GPC5: variants seen among roughly 807,000 people sequenced by gnomAD.
GPC5 encodes glypican 5.
GPC5 carries 47 observed loss-of-function variants against 53.9 expected under a neutral mutation model. The observed-to-expected ratio is 0.87, with a 90% CI of 0.69 to 1.11. The LOEUF (loss-of-function observed/expected upper bound fraction) is 1.11, where lower values mean the gene tolerates loss of function less well. Ranked by LOEUF, GPC5 falls within the 50% of genes most tolerant of loss-of-function variation. The pLI is 0.00. For missense variants in GPC5, 748 were observed against 713.1 expected, an observed-to-expected ratio of 1.05 and a Z score of -0.56; for synonymous variants, 286 against 263.3, an observed-to-expected ratio of 1.09 and a Z score of -0.84.
chr13:91,873,056 AATT>A (rs1195320354), intron 5 of GPC5, among the ~76,000 whole-genome samples: 1 of 152,208 alleles, frequency 6.6e-6, no homozygotes, highest in Non-Finnish European at 1.5e-5. Context: ...TCTATCAGTA[AATT>A]ATTGATTCAT....
intron 7 of GPC5, among the ~76,000 whole-genome samples, chr13:92,274,910 C>T (rs558434755): frequency 2.8e-4 from 43 of 152,136 alleles, no homozygotes; most frequent in African/African-American, 1.0e-3. Flanking sequence ...TTGGAATAAG[C>T]CTGCCACTGT....
intron 7 of GPC5, among the ~76,000 whole-genome samples, chr13:92,341,441 TATC>T (rs1377261721): frequency 1.3e-5 from 2 of 152,072 alleles, no homozygotes; most frequent in African/African-American, 2.4e-5. Context: ...TAGAAGACAA[TATC>T]ATACAAATTA....
chr13:92,205,765 G>A (rs1446336705), intron 7 of GPC5, among the ~76,000 whole-genome samples: 1 of 152,058 alleles, frequency 6.6e-6, no homozygotes, highest in Non-Finnish European at 1.5e-5. Flanking sequence ...CAACTATTTC[G>A]GCCAGGCGCG....
At chr13:91,996,446 T>C (rs964514591) in intron 6 of GPC5, 2 of 152,284 alleles carry the variant, frequency 1.3e-5, no homozygotes, top group Non-Finnish European at 2.9e-5. Context: ...TATTACATTA[T>C]AGTCATCAGA....
At chr13:92,742,006 C>G (rs1365551637) in intron 7 of GPC5, among the ~76,000 whole-genome samples, 2 of 151,974 alleles carry the variant, frequency 1.3e-5, no homozygotes, top group African/African-American at 4.8e-5. Context: ...TGGGTTGGTT[C>G]CAAGTCTTTG....
At chr13:91,633,774 C>T (rs905542939) in intron 2 of GPC5, among the ~76,000 whole-genome samples, 8 of 152,070 alleles carry the variant, frequency 5.3e-5, no homozygotes, top group Non-Finnish European at 7.4e-5. Context: ...TACATGTAAC[C>T]ATGAGGAATG....
chr13:92,536,529 C>T (rs1433509536), intron 7 of GPC5, among the ~76,000 whole-genome samples: 5 of 152,018 alleles, frequency 3.3e-5, no homozygotes, highest in African/African-American at 1.2e-4. Context: ...AAATGTAAAC[C>T]ATTAGATTCC....
At chr13:91,831,786 T>C (rs567921848) in intron 5 of GPC5, among the ~76,000 whole-genome samples, 190 of 152,246 alleles carry the variant, frequency 1.2e-3, no homozygotes, top group African/African-American at 4.3e-3. Flanking sequence ...AGTTTCTTAA[T>C]CCTGAGTTCT....
intron 7 of GPC5, among the ~76,000 whole-genome samples, chr13:92,436,353 A>C (rs980025589): frequency 6.6e-6 from 1 of 152,194 alleles, no homozygotes; most frequent in Non-Finnish European, 1.5e-5. Flanking sequence ...TGTCATTCAT[A>C]TTATACTTCT....
chr13:91,843,230 A>G (rs2038810667), intron 5 of GPC5, among the ~76,000 whole-genome samples: 1 of 152,200 alleles, frequency 6.6e-6, no homozygotes, highest in Non-Finnish European at 1.5e-5. Context: ...AAGAAAGACA[A>G]ATATACACAC....
At chr13:92,611,273 C>A (rs1211557190) in intron 7 of GPC5, among the ~76,000 whole-genome samples, 1 of 152,074 alleles carries the variant, frequency 6.6e-6, no homozygotes, top group Admixed American at 6.6e-5. Flanking sequence ...GTAAGAGGTA[C>A]AAAGAAAAAG....
chr13:91,430,267 C>G (rs1879350934), intron 1 of GPC5, among the ~76,000 whole-genome samples: 1 of 152,140 alleles, frequency 6.6e-6, no homozygotes, highest in Non-Finnish European at 1.5e-5. Context: ...AACTGTTTGA[C>G]CTGACTATAG....
chr13:91,923,880 A>T (rs1361444944), intron 6 of GPC5, among the ~76,000 whole-genome samples: 1 of 152,156 alleles, frequency 6.6e-6, no homozygotes, highest in Non-Finnish European at 1.5e-5. Context: ...GCTTTTAATT[A>T]TGAAAATACA....
At chr13:91,410,446 T>C (rs1209747828) in intron 1 of GPC5, among the ~76,000 whole-genome samples, 3 of 148,152 alleles carry the variant, frequency 2.0e-5, no homozygotes, top group East Asian at 2.1e-4. Context: ...GCCAGGTTCG[T>C]GCCATTCTCC....
At position 91,771,534 on chromosome 13, in the gene GPC5, T is replaced by G. The variant is rs191133314; in HGVS notation, c.1280+15114T>G. Among the ~76,000 whole-genome samples the G allele has an allele frequency of 5.6e-3, 850 of 152,240 alleles. 1 individual carries two copies. Among genetic ancestry groups the G allele is most frequent in the Admixed American group, 8.1e-3 (123 of 15,272 alleles). On this transcript the variant is annotated intron_variant, in intron 5 of 7. Coordinates refer to ENST00000377067, the MANE Select transcript of GPC5 (RefSeq NM_004466.6). ...AAATCTCCATTAATAAGGAAATAAT[T>G]AAATGGTTATGGCAGACTAAAATGA...
At chr13:92,107,302 G>GTT (rs545724600) in intron 6 of GPC5, among the ~76,000 whole-genome samples, 1 of 147,752 alleles carries the variant, frequency 6.8e-6, no homozygotes, top group African/African-American at 2.5e-5. Context: ...AAACAGCTGA[G>GTT]TTTTTTTTTT....
At chr13:92,518,398 A>G (rs1310813023) in intron 7 of GPC5, among the ~76,000 whole-genome samples, 1 of 152,216 alleles carries the variant, frequency 6.6e-6, no homozygotes, top group Non-Finnish European at 1.5e-5. Flanking sequence ...TTACCCACAA[A>G]GGGAACCCCA....
chr13:92,363,386 C>T (rs557643120), intron 7 of GPC5, among the ~76,000 whole-genome samples: 17 of 151,516 alleles, frequency 1.1e-4, no homozygotes, highest in East Asian at 3.9e-4. Flanking sequence ...TTCTGCAGGA[C>T]GGAGGGTAGA....
chr13:91,412,829 G>A (rs971119061), intron 1 of GPC5, among the ~76,000 whole-genome samples: 12 of 152,250 alleles, frequency 7.9e-5, no homozygotes, highest in East Asian at 3.9e-4. Context: ...AATACCCTTT[G>A]CCCAACTTAT....
Sources: allele counts gnomAD v4.1 joint callset (sites outside exome capture counted in the v4.1 genomes callset), GRCh38; gene constraint gnomAD v4.1.1; transcripts MANE v1.5; gene names NCBI Gene and HGNC (gene_info 2026-07-23, HGNC 2026-07-21).